The following SEMA5B variants were observed in gnomAD, a reference collection of about 807,000 sequenced individuals.
SEMA5B encodes the protein semaphorin-5B.
In SEMA5B, 66 loss-of-function variants were observed where a neutral mutation model predicts 135.0. The ratio of observed to expected loss-of-function variants is 0.49; its 90% CI spans 0.40 to 0.60. The LOEUF (loss-of-function observed/expected upper bound fraction) is 0.60, where lower values mean the gene tolerates loss of function less well. Ranked by LOEUF, SEMA5B falls within the 20% of genes least tolerant of loss-of-function variation. The pLI, the probability that SEMA5B is intolerant of heterozygous loss-of-function variation, is 0.00. For synonymous variants in SEMA5B, 690 were observed against 639.5 expected (o/e 1.08, Z -1.19); for missense variants, 1,501 against 1,566.3 (o/e 0.96, Z 0.70).
chr3:122,999,587 G>A (rs529168645), intron 1 of SEMA5B, among the ~76,000 whole-genome samples: 8 of 152,000 alleles, frequency 5.3e-5, no homozygotes, highest in East Asian at 3.9e-4. Context: ...TGAGGCAAAT[G>A]GTGACCAGCT....
intron 1 of SEMA5B, among the ~76,000 whole-genome samples, chr3:123,017,632 G>A (rs889612966): frequency 4.6e-5 from 7 of 152,240 alleles, no homozygotes; most frequent in African/African-American, 1.7e-4. Flanking sequence ...GGTTGGCCAG[G>A]CGCAGTGGCT....
chr3:122,916,203 G>A (rs1938069825), intron 12 of SEMA5B, among the ~76,000 whole-genome samples: 1 of 152,306 alleles, frequency 6.6e-6, no homozygotes, highest in South Asian at 2.1e-4. Context: ...TAAAAGAGAC[G>A]GCACTGCTTT....
chr3:122,978,793 C>T (rs1687761135), intron 1 of SEMA5B, among the ~76,000 whole-genome samples: 1 of 152,154 alleles, frequency 6.6e-6, no homozygotes, highest in Non-Finnish European at 1.5e-5. Flanking sequence ...GCATGTTCAG[C>T]TCAACTGAGC....
chr3:122,928,148 TC>T, intron 7 of SEMA5B, 145 bp from the exon 8 acceptor site: 1 of 595,100 alleles, frequency 1.7e-6, no homozygotes, highest in Non-Finnish European at 2.8e-6. Context: ...CAGCTCATGG[TC>T]CCTCTGAGGG....
At chr3:122,981,960 T>C (rs1223879275) in intron 1 of SEMA5B, among the ~76,000 whole-genome samples, 1 of 152,204 alleles carries the variant, frequency 6.6e-6, no homozygotes, top group African/African-American at 2.4e-5. Flanking sequence ...CATCAGCCCC[T>C]GCAGGCTGTG....
chr3:122,994,052 G>C (rs1474070936), intron 1 of SEMA5B, among the ~76,000 whole-genome samples: 3 of 151,960 alleles, frequency 2.0e-5, no homozygotes, highest in Non-Finnish European at 2.9e-5. Context: ...GCTTCCTGCG[G>C]GTCCTGGGCT....
intron 18 of SEMA5B, 119 bp from the exon 19 acceptor site, chr3:122,912,461 G>T: frequency 2.1e-6 from 2 of 930,568 alleles, no homozygotes; most frequent in Admixed American, 6.4e-5. Context: ...ACATCCACCC[G>T]ATCCACCCGC....
intron 5 of SEMA5B, among the ~76,000 whole-genome samples, chr3:122,935,056 C>T (rs1194432655): frequency 6.6e-6 from 1 of 152,032 alleles, no homozygotes; most frequent in Non-Finnish European, 1.5e-5. Context: ...ATGTACAATT[C>T]TCTTTGCTTT....
intron 1 of SEMA5B, among the ~76,000 whole-genome samples, chr3:122,974,284 C>A (rs1941233828): frequency 6.6e-6 from 1 of 152,198 alleles, no homozygotes; most frequent in African/African-American, 2.4e-5. Context: ...GCCAGGTGAG[C>A]CCCCTCGCTC....
At chr3:123,017,133 C>T (rs1186048058) in intron 1 of SEMA5B, among the ~76,000 whole-genome samples, 1 of 151,804 alleles carries the variant, frequency 6.6e-6, no homozygotes, top group African/African-American at 2.4e-5. Context: ...TCTGATCTGC[C>T]CGCCTCAGCC....
At position 122,912,986 on chromosome 3, in the gene SEMA5B, G is replaced by A; in HGVS notation, c.2582C>T (p.Pro861Leu). Residue 861 changes from proline (P) to leucine (L), a missense_variant, in exon 18 of 23, where the codon CCG becomes CTG. By Grantham distance (98) the Pro-to-Leu change is moderately conservative. This residue lies in a region of SEMA5B where 927 missense variants were observed against 881.6 expected (regional missense o/e 1.05). Coordinates refer to ENST00000357599, the MANE Select transcript of SEMA5B (RefSeq NM_001031702.4). ...TVSGGWAAWG[P>L]WSSCSRDCEL... ...GCAGTCCCGGGAGCAGGACGACCACGGGCCCCAGGCGGCCCAGCCCCCGCT... is the reference window on the plus strand; with the variant it reads ...GCAGTCCCGGGAGCAGGACGACCACAGGCCCCAGGCGGCCCAGCCCCCGCT... The A allele has an allele frequency of 1.9e-6, 3 of 1,609,680 alleles. No homozygotes were observed. Among genetic ancestry groups the A allele is most frequent in the East Asian group, 2.2e-5 (1 of 44,690 alleles).
intron 21 of SEMA5B, 72 bp from the exon 22 acceptor site, chr3:122,911,117 G>T: frequency 7.5e-7 from 1 of 1,340,108 alleles, no homozygotes; most frequent in Non-Finnish European, 1.0e-6. Flanking sequence ...GCCTCCCTGG[G>T]AGCAGAAACA....
At chr3:122,965,466 T>C (rs1189594383) in intron 1 of SEMA5B, among the ~76,000 whole-genome samples, 3 of 152,186 alleles carry the variant, frequency 2.0e-5, no homozygotes, top group Non-Finnish European at 4.4e-5. Flanking sequence ...CCCTTTCCTT[T>C]CTCCACCTTC....
At position 122,921,903 on chromosome 3, in the gene SEMA5B, G is replaced by C. The variant is rs1331186395; in HGVS notation, c.1688+12C>G. The C allele has an allele frequency of 1.3e-6, 2 of 1,526,936 alleles. No homozygotes were observed. 94.6% of individuals were successfully genotyped at this position (1,526,936 alleles called of 1,614,324 possible). On this transcript the variant is annotated intron_variant, in intron 12 of 22. Transcript: ENST00000357599. ...CAGTGGAGGCCTCGGGAGCCGCCCC[G>C]TCCCGGCTTACCCCTGGCTGCGGTA...
chr3:122,990,276 G>T lies in SEMA5B; in HGVS notation c.-38-28975C>A, dbSNP rs1229113763. Among the ~76,000 whole-genome samples the T allele has an allele frequency of 2.6e-5, 4 of 152,280 alleles. No homozygotes were observed. The South Asian group carries it at 8.3e-4, about 32-fold the overall frequency. On this transcript the variant is annotated intron_variant, in intron 1 of 22. Coordinates refer to ENST00000357599, the MANE Select transcript of SEMA5B (RefSeq NM_001031702.4). ...CCACCTTTGAGGACAAGTTTCTGCAGAGTCAATGGGAGACATGGAAAGAAG... is the reference window on the plus strand; with the variant it reads ...CCACCTTTGAGGACAAGTTTCTGCATAGTCAATGGGAGACATGGAAAGAAG...
rs1278268131 is a variant in SEMA5B at position 122,910,891 on chromosome 3, G to A, written c.3246C>T (p.Tyr1082=). 1.2e-6 allele frequency: 2 copies of A among 1,613,480 alleles called. No homozygotes were observed. The highest frequency in any genetic ancestry group is 1.7e-6 in the Non-Finnish European group (2 of 1,179,982). ...VHPATPNHLH[Y]KGGGTPKNEK... is the part of the protein sequence containing the mutation. ...CATTCTTCGGGGTGCCTCCGCCCTT[G>A]TAGTGCAAATGGTTGGGGGTGGCAG... Residue 1082 remains tyrosine (Y), a synonymous_variant, in exon 22 of 23, where the codon TAC becomes TAT. Transcript: ENST00000357599.
At chr3:123,018,410 C>T (rs572543029) in intron 1 of SEMA5B, among the ~76,000 whole-genome samples, 1 of 152,366 alleles carries the variant, frequency 6.6e-6, no homozygotes, top group Non-Finnish European at 1.5e-5. Flanking sequence ...CCTGTCTTAA[C>T]AGAGGAGCTT....
At chr3:122,928,473 C>T (rs770810762) in intron 7 of SEMA5B, 44 bp downstream of exon 7, 61 of 1,469,246 alleles carry the variant, frequency 4.2e-5, no homozygotes, top group East Asian at 5.0e-5. Flanking sequence ...GGAGAACCCC[C>T]GGCATGGTGC....
intron 5 of SEMA5B, among the ~76,000 whole-genome samples, chr3:122,938,992 C>A (rs1448308852): frequency 6.6e-6 from 1 of 152,158 alleles, no homozygotes; most frequent in Non-Finnish European, 1.5e-5. Context: ...CTAGGAACAC[C>A]CTTTCCGTGG....
Sources: allele counts gnomAD v4.1 joint callset (sites outside exome capture counted in the v4.1 genomes callset), GRCh38; gene constraint gnomAD v4.1.1; regional missense constraint gnomAD v4.1.1; transcripts MANE v1.5; gene names NCBI Gene and HGNC (gene_info 2026-07-23, HGNC 2026-07-21).